SLC7A9: variants seen among roughly 807,000 people sequenced by gnomAD.
The protein encoded by SLC7A9 is solute carrier family 7 member 9.
Under a neutral mutation model 54.1 loss-of-function variants are expected in SLC7A9, and 38 were observed. The observed-to-expected ratio is 0.70, with a 90% CI of 0.54 to 0.92. The LOEUF is 0.92. Ranked by LOEUF, SLC7A9 falls within the 40% of genes least tolerant of loss-of-function variation. The pLI is 0.00. For synonymous variants in SLC7A9, 264 were observed against 258.9 expected (o/e 1.02, Z -0.19); for missense variants, 537 against 636.1 (o/e 0.84, Z 1.68).
intron 11 of SLC7A9, among the ~76,000 whole-genome samples, chr19:32,833,564 G>A (rs1224332427): frequency 3.9e-5 from 6 of 152,218 alleles, no homozygotes; most frequent in South Asian, 4.1e-4. Flanking sequence ...TAGGGAGGCC[G>A]AGGCCGGTGG....
At chr19:32,842,344 G>A in intron 10 of SLC7A9, 27 bp from the exon 11 acceptor site, 2 of 1,604,566 alleles carry the variant, frequency 1.2e-6, no homozygotes, top group South Asian at 1.1e-5. Flanking sequence ...TGGATTTGTA[G>A]GTCATTACTA....
intron 11 of SLC7A9, among the ~76,000 whole-genome samples, chr19:32,836,949 T>G (rs960166763): frequency 6.6e-6 from 1 of 152,212 alleles, no homozygotes; most frequent in Non-Finnish European, 1.5e-5. Flanking sequence ...CTGCCTGTTC[T>G]TTTAATTTTT....
intron 11 of SLC7A9, among the ~76,000 whole-genome samples, chr19:32,835,369 AAC>A (rs1041095349): frequency 2.6e-5 from 4 of 152,348 alleles, no homozygotes; most frequent in African/African-American, 7.2e-5. Context: ...AGAAAGCACA[AAC>A]ACAAATAAAA....
At chr19:32,848,171 A>T (rs1335875227) in intron 9 of SLC7A9, among the ~76,000 whole-genome samples, 1 of 152,230 alleles carries the variant, frequency 6.6e-6, no homozygotes, top group South Asian at 2.1e-4. Flanking sequence ...GACAGGACCA[A>T]ATTCACACAT....
intron 11 of SLC7A9, among the ~76,000 whole-genome samples, chr19:32,838,469 A>G (rs1968028171): frequency 6.7e-6 from 1 of 148,568 alleles, no homozygotes; most frequent in African/African-American, 2.4e-5. Context: ...AGAATATATT[A>G]TATCTAATAG....
At chr19:32,863,645 G>A (rs554999472) in intron 4 of SLC7A9, among the ~76,000 whole-genome samples, 8 of 152,298 alleles carry the variant, frequency 5.3e-5, no homozygotes, top group African/African-American at 1.9e-4. Context: ...CCAAGCATGA[G>A]CCACTGCCTG....
chr19:32,866,657 T>C (rs1454233178), intron 2 of SLC7A9, among the ~76,000 whole-genome samples: 1 of 152,176 alleles, frequency 6.6e-6, no homozygotes, highest in Non-Finnish European at 1.5e-5. Context: ...CCACCAGGGT[T>C]CTAAGAGGCC....
intron 9 of SLC7A9, 115 bp downstream of exon 9, chr19:32,858,325 T>C (rs959908646): frequency 5.4e-6 from 4 of 744,424 alleles, no homozygotes; most frequent in Non-Finnish European, 7.0e-6. Flanking sequence ...CTACTTGTAC[T>C]GGCGTGGGTT....
intron 11 of SLC7A9, among the ~76,000 whole-genome samples, chr19:32,838,596 T>C (rs1201227461): frequency 6.7e-6 from 1 of 148,194 alleles, no homozygotes; most frequent in Non-Finnish European, 1.5e-5. Flanking sequence ...TAAAAACGTA[T>C]ATTATACATA....
chr19:32,858,170 C>G (rs559648759), intron 9 of SLC7A9, among the ~76,000 whole-genome samples: 1 of 152,204 alleles, frequency 6.6e-6, no homozygotes, highest in Admixed American at 6.5e-5. Flanking sequence ...GCTTCCCCCC[C>G]ATGTTGGGAA....
At chr19:32,842,069 A>C in intron 11 of SLC7A9, 99 bp downstream of exon 11, 1 of 1,168,450 alleles carries the variant, frequency 8.6e-7, no homozygotes, top group East Asian at 2.4e-5. Flanking sequence ...GAGTCAAGTC[A>C]GATTGGAACT....
chr19:32,861,992 G>A, intron 6 of SLC7A9, 126 bp downstream of exon 6: 1 of 761,310 alleles, frequency 1.3e-6, no homozygotes, highest in Middle Eastern at 3.6e-4. Context: ...GGAAATGTGA[G>A]GGTGAATGTC....
intron 3 of SLC7A9, 49 bp from the exon 4 acceptor site, chr19:32,864,387 C>G (rs1170212230): frequency 6.2e-7 from 1 of 1,610,870 alleles, no homozygotes. Context: ...AGGCACTGCC[C>G]CGGCCCCAGG....
At chr19:32,846,466 G>A (rs1405197433) in intron 9 of SLC7A9, among the ~76,000 whole-genome samples, 1 of 152,228 alleles carries the variant, frequency 6.6e-6, no homozygotes, top group Non-Finnish European at 1.5e-5. Flanking sequence ...AGCGAGGCTG[G>A]GGGAGGGGCG....
rs1198613438 is a variant in SLC7A9 at position 32,864,709 on chromosome 19, G to A, written c.155C>T (p.Pro52Leu). 1 of 1,614,182 alleles carries A rather than the reference G, an allele frequency of 6.2e-7. No individual in the cohort carries two copies. Among genetic ancestry groups the A allele is most frequent in the Non-Finnish European group, 8.5e-7 (1 of 1,180,038 alleles). ...TTCCGTGTTGCTGAGCACAGACTTG[G>A]GGGAAACGAAGATCCCAGAGCCAAT... ...TIIGSGIFVS[P>L]KSVLSNTEAV... The change falls in exon 3 of 13, where the codon CCC (proline) becomes CTC (leucine). Residue 52 changes from proline to leucine, a missense_variant. Physicochemically the swap from Pro to Leu is moderately conservative, Grantham distance 98. Coordinates refer to ENST00000023064, the MANE Select transcript of SLC7A9 (RefSeq NM_014270.5).
Position 32,830,598 on chromosome 19 carries a change from TG to T in SLC7A9, c.*21del. 1 of 1,590,518 alleles carries T rather than the reference TG, an allele frequency of 6.3e-7. No homozygotes were observed. The highest frequency in any genetic ancestry group is 1.1e-5 in the South Asian group (1 of 90,570). On this transcript the variant is annotated 3_prime_UTR_variant, in exon 13 of 13. Transcript: ENST00000023064. ...CTTAAGAAAATAAATTCAGCTGACT[TG>T]GCTACAAGAGACGGAGCTTGTTACT...
In SLC7A9 at chr19:32,852,509, C is replaced by A. The variant is rs530277841; in HGVS notation, c.977+5931G>T. The stretch of plus-strand genomic sequence containing the variant: ...CCTGTCTCAAAACGACGAACAAAAA[C>A]CCTAAATCAAGACTTGATATCATAA... On this transcript the variant is annotated intron_variant, in intron 9 of 12. Transcript: ENST00000023064. Among the ~76,000 whole-genome samples, 37 of 152,090 alleles carry A rather than the reference C, an allele frequency of 2.4e-4. 2 individuals are homozygous for A. The highest frequency in any genetic ancestry group is 8.9e-4 in the African/African-American group (37 of 41,506).
At chr19:32,865,969 AAAAAAAC>A (rs1219122108) in intron 2 of SLC7A9, among the ~76,000 whole-genome samples, 3 of 151,958 alleles carry the variant, frequency 2.0e-5, no homozygotes, top group African/African-American at 7.3e-5. Flanking sequence ...AAAAAAAAAA[AAAAAAAC>A]CTGCACATTA....
At chr19:32,837,410 G>A (rs774676246) in intron 11 of SLC7A9, among the ~76,000 whole-genome samples, 12 of 149,872 alleles carry the variant, frequency 8.0e-5, no homozygotes, top group Admixed American at 2.0e-4. Context: ...TGGGAGGATC[G>A]CTTGAGCCTG....
Sources: gnomAD v4.1 joint callset for allele counts (sites outside exome capture counted in the v4.1 genomes callset) on GRCh38, gnomAD v4.1.1 for gene constraint, MANE v1.5 for transcripts, NCBI Gene and HGNC (gene_info 2026-07-23, HGNC 2026-07-21) for gene names.